The following TRPM1 variants were observed in gnomAD, a reference collection of about 807,000 sequenced individuals.
TRPM1 encodes the protein transient receptor potential cation channel subfamily M member 1.
Under a neutral mutation model 149.4 loss-of-function variants are expected in TRPM1, and 113 were observed. The ratio of observed to expected loss-of-function variants is 0.76; its 90% CI spans 0.65 to 0.88. TRPM1 has a LOEUF of 0.88. Ranked by LOEUF, TRPM1 falls within the 40% of genes least tolerant of loss-of-function variation. The probability of loss-of-function intolerance (pLI) is 0.00; values close to 1 mark genes in which losing one functional copy is unlikely to be tolerated. For missense variants in TRPM1, 1,976 were observed against 2,038.7 expected (o/e 0.97, Z 0.59); for synonymous variants, 741 against 759.5 (o/e 0.98, Z 0.40).
chr15:31,039,775 C>A (rs1005253229), intron 18 of TRPM1, among the ~76,000 whole-genome samples: 6 of 152,072 alleles, frequency 3.9e-5, no homozygotes, highest in Non-Finnish European at 8.8e-5. Flanking sequence ...GTAGACGACC[C>A]AACCAGGGTG....
At chr15:31,016,135 G>T (rs576443492) in intron 27 of TRPM1, among the ~76,000 whole-genome samples, 1 of 152,130 alleles carries the variant, frequency 6.6e-6, no homozygotes, top group Non-Finnish European at 1.5e-5. Flanking sequence ...TACTATCCTG[G>T]CTTTAGGCAT....
At chr15:31,116,761 CAGAG>C (rs1227675315) in intron 1 of TRPM1, among the ~76,000 whole-genome samples, 1 of 151,036 alleles carries the variant, frequency 6.6e-6, no homozygotes, top group Non-Finnish European at 1.5e-5. Context: ...CCAAAGATAA[CAGAG>C]AGAGAGAAAA....
intron 1 of TRPM1, among the ~76,000 whole-genome samples, chr15:31,128,307 A>G (rs2035976350): frequency 6.6e-6 from 1 of 152,134 alleles, no homozygotes; most frequent in East Asian, 1.9e-4. Flanking sequence ...GGCTGTGCCC[A>G]CCGGCTGCCG....
At chr15:31,115,381 G>A (rs887553611) in intron 1 of TRPM1, among the ~76,000 whole-genome samples, 2 of 152,122 alleles carry the variant, frequency 1.3e-5, no homozygotes, top group African/African-American at 4.8e-5. Flanking sequence ...CTCACAGCAC[G>A]AAAAAGCTGT....
At chr15:31,066,922 C>T in intron 6 of TRPM1, 141 bp downstream of exon 6, 1 of 1,130,834 alleles carries the variant, frequency 8.8e-7, no homozygotes, top group Non-Finnish European at 1.3e-6. Context: ...TATGGTTTTG[C>T]AAGATGTTAC....
At chr15:31,050,246 G>C (rs553475050) in intron 12 of TRPM1, among the ~76,000 whole-genome samples, 163 bp downstream of exon 12, 21 of 152,108 alleles carry the variant, frequency 1.4e-4, no homozygotes, top group African/African-American at 4.6e-4. Context: ...TCATTGCAGC[G>C]AATGTGCTGT....
intron 1 of TRPM1, among the ~76,000 whole-genome samples, chr15:31,156,438 G>A (rs549001525): frequency 6.6e-6 from 1 of 152,156 alleles, no homozygotes; most frequent in African/African-American, 2.4e-5. Context: ...GTCTCTAAGG[G>A]TGGCCACCTA....
At chr15:31,037,347 GGAATCTGT>G (rs1311581250) in intron 20 of TRPM1, among the ~76,000 whole-genome samples, 1 of 152,216 alleles carries the variant, frequency 6.6e-6, no homozygotes. Context: ...CATGAAAAAT[GGAATCTGT>G]GAATTTGCTC....
intron 1 of TRPM1, among the ~76,000 whole-genome samples, chr15:31,113,567 T>C (rs563297401): frequency 6.6e-6 from 1 of 152,056 alleles, no homozygotes; most frequent in Admixed American, 6.6e-5. Flanking sequence ...TTTTTTAACT[T>C]TAGGTTCCCC....
At chr15:31,123,172 C>T (rs772103707) in intron 1 of TRPM1, among the ~76,000 whole-genome samples, 9 of 152,116 alleles carry the variant, frequency 5.9e-5, no homozygotes, top group East Asian at 1.9e-4. Context: ...GACCTTACAC[C>T]GTTCACAAAA....
At chr15:31,068,989 C>T (rs1439274464) in intron 4 of TRPM1, among the ~76,000 whole-genome samples, 1 of 152,112 alleles carries the variant, frequency 6.6e-6, no homozygotes. Context: ...CCAAGACACC[C>T]AGTTAAATTT....
rs140910779 is a variant in TRPM1, at chr15:31,126,055, C to T, written c.54+34851G>A. Among the ~76,000 whole-genome samples the T allele has an allele frequency of 3.2e-4, 49 of 152,090 alleles. No individual in the cohort carries two copies. The East Asian group carries it at 9.1e-3, about 28-fold the overall frequency. On this transcript the variant is annotated intron_variant, in intron 1 of 26. Coordinates refer to the TRPM1 transcript ENST00000542188. ...GCTGAGGCAGGAGAATCACTTGAAC[C>T]CGGGAGGCAGAGATTGCAGTGAGCC...
chr15:31,074,426 A>AT (rs2034640704), intron 3 of TRPM1, among the ~76,000 whole-genome samples: 1 of 152,036 alleles, frequency 6.6e-6, no homozygotes, highest in African/African-American at 2.4e-5. Context: ...GTTTTGGCAG[A>AT]TTGTATATTT....
intron 11 of TRPM1, among the ~76,000 whole-genome samples, chr15:31,054,733 G>A (rs2034039171): frequency 6.6e-6 from 1 of 152,056 alleles, no homozygotes; most frequent in East Asian, 1.9e-4. Flanking sequence ...TATACATTGT[G>A]GAACGATGAA....
intron 1 of TRPM1, among the ~76,000 whole-genome samples, chr15:31,089,721 C>G (rs570043553): frequency 9.2e-4 from 140 of 152,220 alleles, no homozygotes; most frequent in Non-Finnish European, 1.1e-3. Flanking sequence ...GATGACCTCT[C>G]CAAGGCCTGG....
At chr15:31,066,269 A>C (rs2140961351) in intron 6 of TRPM1, 22 bp from the exon 7 acceptor site, 1 of 1,614,146 alleles carries the variant, frequency 6.2e-7, no homozygotes. Context: ...CACAGCGCAA[A>C]TCAGACCTGC....
At chr15:31,087,564 C>A (rs748737549) in intron 1 of TRPM1, among the ~76,000 whole-genome samples, 5 of 151,908 alleles carry the variant, frequency 3.3e-5, no homozygotes, top group Non-Finnish European at 4.4e-5. Flanking sequence ...TCAATAGGGA[C>A]TTTTACACTT....
intron 1 of TRPM1, among the ~76,000 whole-genome samples, chr15:31,121,410 T>C (rs1268145390): frequency 1.3e-5 from 2 of 151,972 alleles, no homozygotes; most frequent in Non-Finnish European, 2.9e-5. Flanking sequence ...TTTGAAAAGA[T>C]CAATAAAATT....
At chr15:31,148,935 T>A (rs1179087957) in intron 1 of TRPM1, among the ~76,000 whole-genome samples, 2 of 152,084 alleles carry the variant, frequency 1.3e-5, no homozygotes, top group Non-Finnish European at 2.9e-5. Context: ...CTCCCCGCAG[T>A]CCTGGGCAAC....
Sources: allele counts gnomAD v4.1 joint callset (sites outside exome capture counted in the v4.1 genomes callset), GRCh38; gene constraint gnomAD v4.1.1; transcripts MANE v1.5; gene names NCBI Gene and HGNC (gene_info 2026-07-23, HGNC 2026-07-21).